SBF2: variants seen among roughly 807,000 people sequenced by gnomAD.
SBF2 encodes the protein SET binding factor 2, also known as myotubularin-related protein 13.
A neutral mutation model predicts 225.2 loss-of-function variants in SBF2; 112 were observed. The observed-to-expected ratio is 0.50, with a 90% CI of 0.43 to 0.58. SBF2 has a LOEUF of 0.58. Ranked by LOEUF, SBF2 falls within the 20% of genes least tolerant of loss-of-function variation. The pLI is 0.00. For missense variants in SBF2, 1,996 were observed against 2,206.2 expected, an observed-to-expected ratio of 0.90 and a Z score of 1.91; for synonymous variants, 763 against 773.3, an observed-to-expected ratio of 0.99 and a Z score of 0.22.
chr11:9,780,667 T>C (rs1851945556), intron 39 of SBF2, 151 bp from the exon 40 acceptor site: 4 of 705,980 alleles, frequency 5.7e-6, no homozygotes, highest in Middle Eastern at 2.3e-4. Context: ...CATACTGTTA[T>C]TGCCTTTACT....
chr11:9,944,607 G>GA (rs1159493593), intron 16 of SBF2, among the ~76,000 whole-genome samples: 2 of 152,016 alleles, frequency 1.3e-5, no homozygotes, highest in East Asian at 3.9e-4. Flanking sequence ...CCTGGGAGGT[G>GA]AAAAAATCTC....
intron 16 of SBF2, among the ~76,000 whole-genome samples, chr11:9,917,044 GTTC>G (rs1863157874): frequency 1.3e-5 from 2 of 148,500 alleles, no homozygotes; most frequent in South Asian, 4.3e-4. Context: ...TTACACATGT[GTTC>G]TTTTTTTTAT....
chr11:9,950,956 A>G (rs759682305), intron 16 of SBF2, among the ~76,000 whole-genome samples: 1 of 152,226 alleles, frequency 6.6e-6, no homozygotes, highest in Non-Finnish European at 1.5e-5. Context: ...CAATATCATT[A>G]TATGTGGTTA....
At chr11:10,173,825 G>C (rs1956330034) in intron 2 of SBF2, among the ~76,000 whole-genome samples, 1 of 150,878 alleles carries the variant, frequency 6.6e-6, no homozygotes, top group African/African-American at 2.4e-5. Flanking sequence ...AGAACAGGCA[G>C]ACTGCCTCCT....
intron 33 of SBF2, among the ~76,000 whole-genome samples, chr11:9,793,313 A>G (rs1852877634): frequency 6.6e-6 from 1 of 152,124 alleles, no homozygotes; most frequent in South Asian, 2.1e-4. Context: ...CTGATCCTTG[A>G]TCTACGGCTC....
chr11:9,867,444 A>C (rs1858324467), intron 17 of SBF2, among the ~76,000 whole-genome samples: 3 of 152,226 alleles, frequency 2.0e-5, no homozygotes, highest in Non-Finnish European at 2.9e-5. Flanking sequence ...GCTGATGGGA[A>C]TATAAATGAG....
chr11:9,796,064 C>T (rs570461811), intron 32 of SBF2, 107 bp from the exon 33 acceptor site: 4 of 1,115,746 alleles, frequency 3.6e-6, no homozygotes, highest in Non-Finnish European at 5.3e-6. Flanking sequence ...TTCAGTCATT[C>T]ACTCAACAAA....
intron 16 of SBF2, among the ~76,000 whole-genome samples, chr11:9,951,762 A>C (rs1057044970): frequency 6.6e-6 from 1 of 152,222 alleles, no homozygotes; most frequent in Admixed American, 6.5e-5. Flanking sequence ...CAGGACAATT[A>C]TAAGTGCTGA....
intron 28 of SBF2, among the ~76,000 whole-genome samples, chr11:9,820,300 T>G (rs181421693): frequency 1.3e-5 from 2 of 152,200 alleles, no homozygotes; most frequent in Admixed American, 6.5e-5. Flanking sequence ...AAGCAGAAAA[T>G]GAAGGGCACT....
intron 26 of SBF2, among the ~76,000 whole-genome samples, chr11:9,834,495 G>C (rs1483333731): frequency 6.6e-6 from 1 of 152,132 alleles, no homozygotes; most frequent in African/African-American, 2.4e-5. Context: ...CTGACAGGAG[G>C]GAAAGGAAAT....
chr11:10,226,996 G>T (rs1177897514), intron 1 of SBF2, among the ~76,000 whole-genome samples: 2 of 152,250 alleles, frequency 1.3e-5, no homozygotes, highest in East Asian at 3.9e-4. Context: ...GTTGTTTCCT[G>T]ATTTTTTAAT....
chr11:9,875,523 G>A lies in SBF2; in HGVS notation c.1930-17127C>T, dbSNP rs180683003. Among the ~76,000 whole-genome samples the A allele has an allele frequency of 5.3e-4, 81 of 152,242 alleles. 1 individual carries two copies. Among genetic ancestry groups the A allele is most frequent in the African/African-American group, 1.9e-3 (78 of 41,560 alleles). On this transcript the variant is annotated intron_variant, in intron 17 of 39. Coordinates refer to ENST00000256190, the MANE Select transcript of SBF2 (RefSeq NM_030962.4). The stretch of plus-strand genomic sequence containing the variant: ...TACCTTTACCTAATTGTCCATAACC[G>A]AATATGAAAGAAGGCTTTGGGATTA...
intron 21 of SBF2, 63 bp from the exon 22 acceptor site, chr11:9,850,281 G>C: frequency 1.3e-6 from 2 of 1,495,646 alleles, no homozygotes; most frequent in Non-Finnish European, 1.9e-6. Context: ...TTGGAGACAG[G>C]GTCTTGCTCT....
chr11:9,900,738 A>C (rs552425468), intron 16 of SBF2, among the ~76,000 whole-genome samples: 1 of 152,290 alleles, frequency 6.6e-6, no homozygotes, highest in South Asian at 2.1e-4. Flanking sequence ...TCATTTAAAA[A>C]AATTTTTTTT....
chr11:9,983,082 T>C (rs1359124441), intron 13 of SBF2, among the ~76,000 whole-genome samples: 2 of 151,238 alleles, frequency 1.3e-5, no homozygotes, highest in East Asian at 3.9e-4. Flanking sequence ...CCGGGGGTGG[T>C]GGGGGCTGCA....
intron 1 of SBF2, 86 bp downstream of exon 1, chr11:10,293,929 G>GGCCC: frequency 9.6e-7 from 1 of 1,038,516 alleles, no homozygotes; most frequent in African/African-American, 1.7e-5. Context: ...CCCGACGCCC[G>GGCCC]TCCCCGACGC....
intron 17 of SBF2, among the ~76,000 whole-genome samples, chr11:9,892,409 C>T (rs976084803): frequency 7.9e-5 from 12 of 152,030 alleles, no homozygotes; most frequent in African/African-American, 2.9e-4. Flanking sequence ...GGCAGTAATG[C>T]GTGACTCTTC....
At chr11:10,181,293 A>C (rs1956725355) in intron 2 of SBF2, among the ~76,000 whole-genome samples, 1 of 152,092 alleles carries the variant, frequency 6.6e-6, no homozygotes, top group African/African-American at 2.4e-5. Flanking sequence ...GCTACATAAC[A>C]CTGAGCAAGC....
chr11:10,263,828 T>C (rs777598611), intron 1 of SBF2, among the ~76,000 whole-genome samples: 9 of 152,176 alleles, frequency 5.9e-5, no homozygotes, highest in African/African-American at 9.7e-5. Context: ...GAGGAAACAC[T>C]TGAACAGTCC....
Sources: allele counts gnomAD v4.1 joint callset (sites outside exome capture counted in the v4.1 genomes callset), GRCh38; gene constraint gnomAD v4.1.1; transcripts MANE v1.5; gene names NCBI Gene and HGNC (gene_info 2026-07-23, HGNC 2026-07-21).